Variants in MID1 observed in about 807,000 individuals in gnomAD.
MID1 encodes midline 1.
MID1 carries 7 observed loss-of-function variants against 40.4 expected under a neutral mutation model. The ratio of observed to expected loss-of-function variants is 0.17; its 90% CI spans 0.10 to 0.33. The LOEUF (loss-of-function observed/expected upper bound fraction) is 0.33, where lower values mean the gene tolerates loss of function less well. MID1 is among the 10% of genes least tolerant of loss of function. MID1 has a pLI of 1.00. For missense variants in MID1, 367 were observed against 558.5 expected (o/e 0.66, Z 3.46); for synonymous variants, 229 against 221.2 (o/e 1.04, Z -0.31).
At chrX:10,640,854 A>G (rs1418417016) in intron 1 of MID1, among the ~76,000 whole-genome samples, 8 of 112,047 alleles carry the variant, frequency 7.1e-5, no homozygotes, top group African/African-American at 2.6e-4. Flanking sequence ...ACTCAGGATT[A>G]AGAAACTCAC....
At chrX:10,807,808 C>A in intron 1 of MID1, among the ~76,000 whole-genome samples, 1 of 112,158 alleles carries the variant, frequency 8.9e-6, no homozygotes, top group Non-Finnish European at 1.9e-5. Flanking sequence ...TTAACATAAT[C>A]ATGGGAGTAC....
chrX:10,592,466 T>C (rs1017395800), intron 1 of MID1, among the ~76,000 whole-genome samples: 13 of 109,330 alleles, frequency 1.2e-4, no homozygotes, highest in Non-Finnish European at 2.1e-4. Context: ...ATTGCTCCAT[T>C]TCTTGAAAAA....
At chrX:10,792,363 C>T in intron 1 of MID1, among the ~76,000 whole-genome samples, 1 of 111,321 alleles carries the variant, frequency 9.0e-6, no homozygotes. Context: ...AGAAAACCGT[C>T]GATGGTAATA....
intron 1 of MID1, among the ~76,000 whole-genome samples, chrX:10,728,802 C>G (rs1260926057): frequency 2.7e-5 from 3 of 111,811 alleles, no homozygotes; most frequent in African/African-American, 9.8e-5. Flanking sequence ...TGGGCCTTCC[C>G]CTCTACCCGG....
At chrX:10,510,971 G>A (rs979318391) in intron 3 of MID1, among the ~76,000 whole-genome samples, 8 of 110,327 alleles carry the variant, frequency 7.3e-5, no homozygotes, top group African/African-American at 2.6e-4. Context: ...TAGGCTGGGC[G>A]TGGTCGCTCA....
intron 1 of MID1, among the ~76,000 whole-genome samples, chrX:10,672,630 G>T (rs2042995336): frequency 9.0e-6 from 1 of 111,650 alleles, no homozygotes; most frequent in Non-Finnish European, 1.9e-5. Flanking sequence ...AGGAATGCAG[G>T]CCTGCTGATA....
At chrX:10,533,421 A>AAGAAAG (rs1933104910) in intron 2 of MID1, among the ~76,000 whole-genome samples, 1 of 106,223 alleles carries the variant, frequency 9.4e-6, no homozygotes, top group African/African-American at 3.4e-5. Context: ...GAAAGAAAGA[A>AAGAAAG]AGAAAGAAAG....
chrX:10,696,396 C>T (rs2043164033), intron 1 of MID1, among the ~76,000 whole-genome samples: 1 of 111,571 alleles, frequency 9.0e-6, no homozygotes. Flanking sequence ...ATATAAAACC[C>T]CAGGTCAAAG....
intron 1 of MID1, among the ~76,000 whole-genome samples, chrX:10,732,131 C>G (rs763702776): frequency 9.0e-6 from 1 of 110,987 alleles, no homozygotes; most frequent in Non-Finnish European, 1.9e-5. Flanking sequence ...TACTTTCTTC[C>G]AAGGTCAGGA....
chrX:10,598,784 T>C (rs1417682217), intron 1 of MID1, among the ~76,000 whole-genome samples: 1 of 111,729 alleles, frequency 9.0e-6, no homozygotes, highest in Non-Finnish European at 1.9e-5. Flanking sequence ...CCCTAGGGCC[T>C]CCAGATAAGA....
chrX:10,467,154 G>T (rs751734622), intron 7 of MID1, among the ~76,000 whole-genome samples: 21 of 111,482 alleles, frequency 1.9e-4, no homozygotes, highest in African/African-American at 6.8e-4. Flanking sequence ...GCCTCAAAAA[G>T]GAATGAGGCA....
intron 1 of MID1, among the ~76,000 whole-genome samples, chrX:10,675,989 G>A (rs956189931): frequency 8.9e-6 from 1 of 111,938 alleles, no homozygotes; most frequent in Non-Finnish European, 1.9e-5. Context: ...TTGAACTTGC[G>A]CTAGGTACTA....
At chrX:10,733,084 G>C (rs745928029) in intron 1 of MID1, among the ~76,000 whole-genome samples, 1 of 109,631 alleles carries the variant, frequency 9.1e-6, no homozygotes, top group South Asian at 3.9e-4. Flanking sequence ...GGATGGTCTC[G>C]ATCTCCTGAC....
At chrX:10,585,057 C>T (rs902326650) in intron 1 of MID1, among the ~76,000 whole-genome samples, 1 of 110,944 alleles carries the variant, frequency 9.0e-6, no homozygotes, top group Non-Finnish European at 1.9e-5. Context: ...GGAAGTTTTA[C>T]AATGTCTTCC....
chrX:10,469,394 A>G, intron 7 of MID1: 1 of 1,023,580 alleles, frequency 9.8e-7, no homozygotes, highest in Non-Finnish European at 1.3e-6. Context: ...ATATATATAT[A>G]TTTGTTTCTC....
At chrX:10,776,353 A>G (rs945483537) in intron 1 of MID1, among the ~76,000 whole-genome samples, 2 of 112,120 alleles carry the variant, frequency 1.8e-5, no homozygotes, top group East Asian at 5.6e-4. Flanking sequence ...TATTCAGGAC[A>G]GTCAGAATAT....
At chrX:10,613,732 T>TATATAGAGAGAG (rs1482081086) in intron 1 of MID1, among the ~76,000 whole-genome samples, 2 of 17,480 alleles carry the variant, frequency 1.1e-4, no homozygotes, top group Non-Finnish European at 1.1e-4. Context: ...TATATATATA[T>TATATAGAGAGAG]AGAGAGAGAG....
intron 1 of MID1, among the ~76,000 whole-genome samples, chrX:10,685,944 A>T (rs1195570270): frequency 1.8e-5 from 2 of 109,121 alleles, no homozygotes; most frequent in Non-Finnish European, 3.8e-5. Context: ...GTAGTACAAG[A>T]TGGAAAGAAA....
At chrX:10,793,618 TA>T (rs1340448384) in intron 1 of MID1, among the ~76,000 whole-genome samples, 1 of 111,700 alleles carries the variant, frequency 9.0e-6, no homozygotes, top group Non-Finnish European at 1.9e-5. Context: ...TTCCCCTCCT[TA>T]AAAAACCAAG....
Sources: allele counts gnomAD v4.1 joint callset (sites outside exome capture counted in the v4.1 genomes callset), GRCh38; gene constraint gnomAD v4.1.1; transcripts MANE v1.5; gene names NCBI Gene and HGNC (gene_info 2026-07-23, HGNC 2026-07-21).